The following SNAP25 variants were observed in gnomAD, a reference collection of about 807,000 sequenced individuals.
SNAP25 encodes synaptosomal-associated protein 25.
Under a neutral mutation model 28.7 loss-of-function variants are expected in SNAP25, and 3 were observed. The ratio of observed to expected loss-of-function variants is 0.10; its 90% CI spans 0.05 to 0.27. The LOEUF (loss-of-function observed/expected upper bound fraction) is 0.27, where lower values mean the gene tolerates loss of function less well. SNAP25 is among the 10% of genes least tolerant of loss of function. SNAP25 has a pLI of 1.00. For missense variants in SNAP25, 117 were observed against 278.7 expected (o/e 0.42, Z 4.13); for synonymous variants, 61 against 88.1 (o/e 0.69, Z 1.72).
At chr20:10,273,208 AAAT>A (rs377760877) in intron 1 of SNAP25, among the ~76,000 whole-genome samples, 4 of 152,060 alleles carry the variant, frequency 2.6e-5, no homozygotes, top group African/African-American at 9.6e-5. Context: ...ATTCTCATGC[AAAT>A]AATAATAATA....
chr20:10,247,294 G>T (rs2122779358), intron 1 of SNAP25, among the ~76,000 whole-genome samples: 1 of 152,266 alleles, frequency 6.6e-6, no homozygotes, highest in East Asian at 1.9e-4. Flanking sequence ...CACTTGTTCT[G>T]ATCAGTGATG....
Position 10,228,154 on chromosome 20 carries a change from G to A in SNAP25, c.-64+9177G>A, listed in dbSNP as rs147345431. On this transcript the variant is annotated intron_variant, in intron 1 of 7. Coordinates refer to ENST00000254976, the MANE Select transcript of SNAP25 (RefSeq NM_130811.4). ...TCCCCATTCCTTCTCATGAAAACAC[G>A]GGTTACTCTGCATCCAACTTTCTCC... Among the ~76,000 whole-genome samples the A allele has an allele frequency of 2.2e-4, 34 of 152,126 alleles. No homozygotes were observed. The East Asian group carries it at 5.4e-3, about 24-fold the overall frequency.
chr20:10,295,457 C>T (rs1276203831), intron 5 of SNAP25, among the ~76,000 whole-genome samples: 2 of 152,212 alleles, frequency 1.3e-5, no homozygotes, highest in South Asian at 4.2e-4. Flanking sequence ...TTGGGGATCT[C>T]GTTTCATTGA....
At chr20:10,260,325 G>A (rs1353854770) in intron 1 of SNAP25, among the ~76,000 whole-genome samples, 1 of 152,066 alleles carries the variant, frequency 6.6e-6, no homozygotes, top group Admixed American at 6.5e-5. Flanking sequence ...ATACTAGTTG[G>A]AAAACTTGTT....
chr20:10,243,136 GAATGCCCTGGGATCTTCTAA>G (rs932706531), intron 1 of SNAP25, among the ~76,000 whole-genome samples: 9 of 152,186 alleles, frequency 5.9e-5, no homozygotes, highest in Admixed American at 3.9e-4. Context: ...CTGCACATCA[GAATGCCCTGGGATCTTCTAA>G]AAATCCAGAA....
chr20:10,286,518 G>A (rs564865320), intron 4 of SNAP25, among the ~76,000 whole-genome samples: 14 of 152,244 alleles, frequency 9.2e-5, no homozygotes, highest in African/African-American at 2.2e-4. Context: ...GAGGAGCCCT[G>A]TGTTGGGCAG....
At chr20:10,280,639 A>G (rs2063763652) in intron 3 of SNAP25, among the ~76,000 whole-genome samples, 1 of 152,210 alleles carries the variant, frequency 6.6e-6, no homozygotes, top group South Asian at 2.1e-4. Flanking sequence ...TGCTAATGCT[A>G]AATTCAGGAA....
At position 10,287,454 on chromosome 20, in the gene SNAP25, A is replaced by G. The variant is rs554208594; in HGVS notation, c.163+2682A>G. ...CAGAGAAATGCAAATCAAAACCACA[A>G]TGAGATACCATCTCACACCAGTTAG... is the stretch of plus-strand genomic sequence containing the variant. On this transcript the variant is annotated intron_variant, in intron 4 of 7. Transcript: ENST00000254976. 5.4e-3 allele frequency among the ~76,000 whole-genome samples: 823 copies of G among 151,272 alleles called. 2 individuals carry two copies. Among genetic ancestry groups the G allele is most frequent in the Middle Eastern group, 0.014 (4 of 292 alleles).
At chr20:10,262,070 C>T (rs1210262754) in intron 1 of SNAP25, among the ~76,000 whole-genome samples, 1 of 152,032 alleles carries the variant, frequency 6.6e-6, no homozygotes, top group Non-Finnish European at 1.5e-5. Flanking sequence ...ATACCAAGGC[C>T]AGCACCCACC....
At chr20:10,246,271 G>A (rs1021381928) in intron 1 of SNAP25, among the ~76,000 whole-genome samples, 4 of 152,198 alleles carry the variant, frequency 2.6e-5, no homozygotes, top group Non-Finnish European at 5.9e-5. Flanking sequence ...GTGCACGTGC[G>A]TGCATTCGTG....
At chr20:10,259,530 T>A (rs2063375603) in intron 1 of SNAP25, among the ~76,000 whole-genome samples, 1 of 149,714 alleles carries the variant, frequency 6.7e-6, no homozygotes, top group Admixed American at 6.8e-5. Context: ...AATCAGGACT[T>A]TTTTTATTTT....
chr20:10,284,630 C>A, intron 3 of SNAP25, 94 bp from the exon 4 acceptor site: 2 of 963,738 alleles, frequency 2.1e-6, no homozygotes, highest in Non-Finnish European at 3.3e-6. Context: ...CTTCATTTTC[C>A]ATTTATAGGG....
intron 1 of SNAP25, among the ~76,000 whole-genome samples, chr20:10,246,792 G>C (rs141145112): frequency 1.3e-5 from 2 of 152,240 alleles, no homozygotes; most frequent in East Asian, 1.9e-4. Context: ...CCAGCCGCTG[G>C]GTACAATATT....
intron 4 of SNAP25, among the ~76,000 whole-genome samples, chr20:10,288,751 C>T (rs1006416953): frequency 2.0e-5 from 3 of 151,202 alleles, no homozygotes; most frequent in African/African-American, 7.3e-5. Context: ...GTAAAACCCC[C>T]GAAAGTAGGT....
At chr20:10,263,854 G>A (rs925091949) in intron 1 of SNAP25, among the ~76,000 whole-genome samples, 4 of 152,142 alleles carry the variant, frequency 2.6e-5, no homozygotes, top group Non-Finnish European at 5.9e-5. Context: ...TTGGTTAAAT[G>A]AATGAACCTG....
At chr20:10,229,693 T>G (rs927119210) in intron 1 of SNAP25, among the ~76,000 whole-genome samples, 1 of 152,126 alleles carries the variant, frequency 6.6e-6, no homozygotes, top group Admixed American at 6.6e-5. Context: ...TATCGTTGCT[T>G]GTTTTGTATT....
intron 1 of SNAP25, among the ~76,000 whole-genome samples, chr20:10,262,989 C>A (rs1020180552): frequency 1.4e-5 from 2 of 140,206 alleles, no homozygotes; most frequent in African/African-American, 5.3e-5. Context: ...GTGGATCAGG[C>A]GAAGCAACCC....
chr20:10,280,597 T>C (rs1484825487), intron 3 of SNAP25, among the ~76,000 whole-genome samples: 1 of 151,936 alleles, frequency 6.6e-6, no homozygotes, highest in Non-Finnish European at 1.5e-5. Flanking sequence ...CTCGAGGAGG[T>C]AGTATTTAAT....
At chr20:10,280,589 C>G (rs771311205) in intron 3 of SNAP25, among the ~76,000 whole-genome samples, 4 of 152,186 alleles carry the variant, frequency 2.6e-5, no homozygotes, top group East Asian at 1.9e-4. Flanking sequence ...AAGGTATCCT[C>G]GAGGAGGTAG....
Sources: gnomAD v4.1 joint callset for allele counts (sites outside exome capture counted in the v4.1 genomes callset) on GRCh38, gnomAD v4.1.1 for gene constraint, MANE v1.5 for transcripts, NCBI Gene and HGNC (gene_info 2026-07-23, HGNC 2026-07-21) for gene names.